Variants in NPSR1 observed in about 807,000 individuals in gnomAD.
NPSR1 encodes neuropeptide S receptor 1, also known as neuropeptide S receptor.
Under a neutral mutation model 46.9 loss-of-function variants are expected in NPSR1, and 48 were observed. That is an observed-to-expected ratio of 1.02 (90% CI 0.81 to 1.30). NPSR1 has a LOEUF of 1.30. Ranked by LOEUF, NPSR1 falls within the 50% of genes most tolerant of loss-of-function variation. The pLI, the probability that NPSR1 is intolerant of heterozygous loss-of-function variation, is 0.00. For missense variants in NPSR1, 450 were observed against 449.5 expected (o/e 1.00, Z -0.01); for synonymous variants, 176 against 168.1 (o/e 1.05, Z -0.36).
intron 3 of NPSR1, among the ~76,000 whole-genome samples, chr7:34,791,032 ATATAT>A (rs1463834184): frequency 1.2e-4 from 15 of 122,830 alleles, no homozygotes; most frequent in South Asian, 2.3e-4. Context: ...GTTATATGTT[ATATAT>A]TATATTATAT....
intron 4 of NPSR1, among the ~76,000 whole-genome samples, chr7:34,823,797 A>G (rs1789691273): frequency 6.6e-6 from 1 of 152,228 alleles, no homozygotes; most frequent in African/African-American, 2.4e-5. Context: ...AACCACCGGA[A>G]AAAATGTTAT....
intron 3 of NPSR1, among the ~76,000 whole-genome samples, chr7:34,810,092 C>T (rs545751120): frequency 6.6e-6 from 1 of 152,296 alleles, no homozygotes; most frequent in South Asian, 2.1e-4. Context: ...CCACAATGTG[C>T]TTGATTGTTA....
intron 1 of NPSR1, among the ~76,000 whole-genome samples, chr7:34,680,895 G>C (rs948407125): frequency 1.3e-5 from 2 of 150,680 alleles, no homozygotes; most frequent in Non-Finnish European, 2.9e-5. Flanking sequence ...AGACAGAATA[G>C]AGTTTTACAT....
chr7:34,847,980 G>C (rs1415052704), intron 7 of NPSR1, among the ~76,000 whole-genome samples: 1 of 152,160 alleles, frequency 6.6e-6, no homozygotes, highest in Non-Finnish European at 1.5e-5. Flanking sequence ...CCAACTTAGG[G>C]GTGAAAGAGA....
At chr7:34,750,179 C>A in intron 2 of NPSR1, 11 of 339,546 alleles carry the variant, frequency 3.2e-5, no homozygotes, top group South Asian at 8.0e-5. Context: ...ACAAGGGGAA[C>A]AGAATTAGAA....
rs765032893 is a variant in NPSR1, at chr7:34,672,006, T to C, written c.148-12546T>C. Reference sequence around the variant, plus strand: ...TAATTACGTGGATCATCAGGAATAATACATTCTGGGTATTTTTATTATATA... The same window carrying C: ...TAATTACGTGGATCATCAGGAATAACACATTCTGGGTATTTTTATTATATA... On this transcript the variant is annotated intron_variant, in intron 1 of 8. Transcript: ENST00000360581. Among the ~76,000 whole-genome samples, 5 of 152,238 alleles carry C rather than the reference T, an allele frequency of 3.3e-5. No individual in the cohort carries two copies. In the South Asian group the frequency reaches 8.3e-4, roughly 25 times the overall value.
intron 3 of NPSR1, among the ~76,000 whole-genome samples, chr7:34,787,339 A>C (rs1468862683): frequency 1.3e-5 from 2 of 152,108 alleles, no homozygotes; most frequent in Non-Finnish European, 2.9e-5. Flanking sequence ...AGGTGAAGAG[A>C]GTTTAAGAAC....
At chr7:34,807,036 T>C (rs1788733125) in intron 3 of NPSR1, among the ~76,000 whole-genome samples, 1 of 152,188 alleles carries the variant, frequency 6.6e-6, no homozygotes, top group African/African-American at 2.4e-5. Flanking sequence ...CTCCAAATGG[T>C]ATCCCATATG....
intron 8 of NPSR1, among the ~76,000 whole-genome samples, chr7:34,872,550 G>C (rs868416407): frequency 1.3e-5 from 2 of 151,838 alleles, no homozygotes; most frequent in African/African-American, 4.9e-5. Flanking sequence ...TCATGCTGCT[G>C]ATAGAGACAT....
At chr7:34,817,815 AAT>A (rs1429711405) in intron 4 of NPSR1, among the ~76,000 whole-genome samples, 1 of 152,224 alleles carries the variant, frequency 6.6e-6, no homozygotes, top group African/African-American at 2.4e-5. Context: ...CAATGACAAA[AAT>A]CACATGATTA....
At chr7:34,780,994 A>T (rs2128738082) in intron 3 of NPSR1, among the ~76,000 whole-genome samples, 1 of 152,310 alleles carries the variant, frequency 6.6e-6, no homozygotes, top group African/African-American at 2.4e-5. Context: ...ACGCTGAGTA[A>T]TGAGATATCC....
intron 8 of NPSR1, among the ~76,000 whole-genome samples, chr7:34,855,142 TAAAG>T (rs1341724213): frequency 1.3e-5 from 2 of 151,934 alleles, no homozygotes; most frequent in East Asian, 1.9e-4. Context: ...AAACAATACT[TAAAG>T]AAAAAAGAGA....
chr7:34,801,655 G>T lies in NPSR1; in HGVS notation c.385-10115G>T, dbSNP rs1315347714. Among the ~76,000 whole-genome samples the T allele has an allele frequency of 3.8e-4, 56 of 145,510 alleles. 6 individuals are homozygous for T. The highest frequency in any genetic ancestry group is 1.4e-3 in the African/African-American group (52 of 36,420). On this transcript the variant is annotated intron_variant, in intron 3 of 8. Transcript: ENST00000360581. ...CTGGAAGCATTCCCTTTGAAAACTGGCACAAGACAGGGATGCCCTCTCTCA... is the reference window on the plus strand; with the variant it reads ...CTGGAAGCATTCCCTTTGAAAACTGTCACAAGACAGGGATGCCCTCTCTCA...
intron 3 of NPSR1, among the ~76,000 whole-genome samples, chr7:34,786,607 G>C (rs1787477712): frequency 6.6e-6 from 1 of 152,114 alleles, no homozygotes; most frequent in Non-Finnish European, 1.5e-5. Flanking sequence ...ATCTATGGCA[G>C]CCATGGCCTT....
At chr7:34,702,580 ATTATC>A (rs1793885754) in intron 2 of NPSR1, among the ~76,000 whole-genome samples, 1 of 152,144 alleles carries the variant, frequency 6.6e-6, no homozygotes, top group African/African-American at 2.4e-5. Context: ...CTAATGACTT[ATTATC>A]TTGGCAGACT....
chr7:34,768,543 G>C (rs1314393562), intron 2 of NPSR1: 6 of 152,138 alleles, frequency 3.9e-5, no homozygotes, highest in African/African-American at 1.4e-4. Context: ...TTGTAGCAGT[G>C]AGATTTATAA....
chr7:34,701,544 CATA>C (rs1365282111), intron 2 of NPSR1, among the ~76,000 whole-genome samples: 1 of 152,160 alleles, frequency 6.6e-6, no homozygotes, highest in Non-Finnish European at 1.5e-5. Context: ...ACCCCATGAA[CATA>C]ATATTAAAAT....
intron 2 of NPSR1, among the ~76,000 whole-genome samples, chr7:34,770,164 A>C (rs1786609561): frequency 6.6e-6 from 1 of 152,236 alleles, no homozygotes; most frequent in South Asian, 2.1e-4. Flanking sequence ...GAAACAAAAT[A>C]ATCTTTCCGT....
chr7:34,714,720 C>T (rs1020491434), intron 2 of NPSR1, among the ~76,000 whole-genome samples: 3 of 152,136 alleles, frequency 2.0e-5, no homozygotes, highest in Non-Finnish European at 2.9e-5. Flanking sequence ...AGTCAATTGC[C>T]CCTGACCTGC....
Sources: allele counts gnomAD v4.1 joint callset (sites outside exome capture counted in the v4.1 genomes callset), GRCh38; gene constraint gnomAD v4.1.1; transcripts MANE v1.5; gene names NCBI Gene and HGNC (gene_info 2026-07-23, HGNC 2026-07-21).